The following DCDC2B variants were observed in gnomAD, a reference collection of about 807,000 sequenced individuals.
DCDC2B encodes doublecortin domain-containing protein 2B.
Under a neutral mutation model 38.9 loss-of-function variants are expected in DCDC2B, and 41 were observed. That is an observed-to-expected ratio of 1.05 (90% confidence interval 0.82 to 1.37). The LOEUF (loss-of-function observed/expected upper bound fraction) is 1.37, where lower values mean the gene tolerates loss of function less well. DCDC2B is among the 40% of genes most tolerant of loss of function. The pLI is 0.00. For missense variants in DCDC2B, 453 were observed against 427.2 expected, an observed-to-expected ratio of 1.06 and a Z score of -0.53; for synonymous variants, 181 against 171.9, an observed-to-expected ratio of 1.05 and a Z score of -0.41.
intron 6 of DCDC2B, among the ~76,000 whole-genome samples, chr1:32,214,203 T>C (rs1643702127): frequency 6.7e-6 from 1 of 150,212 alleles, no homozygotes; most frequent in African/African-American, 2.5e-5. Flanking sequence ...TCCCAGCTAC[T>C]TGGGAGGCTG....
At chr1:32,209,507 A>C in intron 1 of DCDC2B, 148 bp downstream of exon 1, 1 of 1,149,588 alleles carries the variant, frequency 8.7e-7, no homozygotes, top group Non-Finnish European at 1.2e-6. Context: ...TTAGAAAGGG[A>C]AAACAGACAG....
At chr1:32,213,612 C>T (rs1643676221) in intron 6 of DCDC2B, among the ~76,000 whole-genome samples, 1 of 150,014 alleles carries the variant, frequency 6.7e-6, no homozygotes, top group East Asian at 2.0e-4. Context: ...GGGTTCATGC[C>T]ATTCTCCTGC....
intron 1 of DCDC2B, among the ~76,000 whole-genome samples, 190 bp downstream of exon 1, chr1:32,209,549 T>TG (rs1234218085): frequency 1.3e-5 from 2 of 152,164 alleles, no homozygotes; most frequent in African/African-American, 4.8e-5. Flanking sequence ...AACAAATAGT[T>TG]GAACTGAAAT....
Position 32,209,182 on chromosome 1 carries a change from A to G in DCDC2B, c.89A>G (p.Gln30Arg), listed in dbSNP as rs779389396. ...CCAGGCTCCCAGCTGGTGGTGACTC[A>G]ACGCCGCTTCCCCACCATGGAGGCC... ...FFPGSQLVVTQRRFPTMEAFL... is the reference protein window; with the variant it reads ...FFPGSQLVVTRRRFPTMEAFL... The change falls in exon 1 of 9, where the codon CAA becomes CGA. Residue 30 changes from glutamine (Q) to arginine (R), a missense_variant. Transcript: ENST00000409358. 6.2e-6 allele frequency: 10 copies of G among 1,613,994 alleles called. No homozygotes were observed. In the East Asian group the frequency reaches 2.0e-4, roughly 32 times the overall value.
At chr1:32,215,217 C>A (rs1638276590) in intron 7 of DCDC2B, 1 of 583,786 alleles carries the variant, frequency 1.7e-6, no homozygotes, top group Non-Finnish European at 2.9e-6. Flanking sequence ...AAAGAAGCAC[C>A]TGGAAAGGGC....
Position 32,216,162 on chromosome 1 carries a change from G to A in DCDC2B, c.*265G>A, listed in dbSNP as rs1442035370. ...GGAGTAGCTGACTAAGCCTGGGAGA[G>A]GGTTTGTCACAATAAAAGAATACTT... On this transcript the variant is annotated 3_prime_UTR_variant, in exon 9 of 9. Transcript: ENST00000409358. The A allele has an allele frequency of 1.3e-6, 1 of 742,266 alleles. No individual in the cohort carries two copies. The highest frequency in any genetic ancestry group is 2.9e-5 in the Admixed American group (1 of 34,028). The allele number at this position is 742,266 out of a possible 1,614,324, so 46.0% of individuals were successfully genotyped here. A position where few individuals can be genotyped will look rare whatever the true frequency, so the allele number is the denominator to read the frequency against.
At chr1:32,214,312 CAAAAAAA>C (rs58837364) in intron 6 of DCDC2B, among the ~76,000 whole-genome samples, 163 of 51,976 alleles carry the variant, frequency 3.1e-3, no homozygotes, top group Non-Finnish European at 5.8e-3. Flanking sequence ...ACTCAAGTCT[CAAAAAAA>C]AAAAAAAAAA....
Position 32,215,916 on chromosome 1 carries a change from G to C in DCDC2B, c.*19G>C. 6.5e-7 allele frequency: 1 copy of C among 1,541,012 alleles called. No individual in the cohort carries two copies. The highest frequency in any genetic ancestry group is 1.2e-5 in the South Asian group (1 of 83,796). ...ATCTTGAGAGCCAGCAGCTCCAGAG[G>C]GCAACTGGGGACCACTACTCTGGCC... On this transcript the variant is annotated 3_prime_UTR_variant, in exon 9 of 9. Coordinates refer to ENST00000409358, the MANE Select transcript of DCDC2B (RefSeq NM_001099434.2).
At chr1:32,213,422 C>T (rs1184901885) in intron 6 of DCDC2B, among the ~76,000 whole-genome samples, 25 of 151,530 alleles carry the variant, frequency 1.6e-4, no homozygotes, top group African/African-American at 4.4e-4. Context: ...CTGCAACCTC[C>T]ACCTTCTGGG....
In DCDC2B at chr1:32,215,485, C is replaced by G. The variant is rs775191406; in HGVS notation, c.896C>G (p.Ala299Gly). 1.7e-5 allele frequency: 28 copies of G among 1,613,364 alleles called. No individual in the cohort carries two copies. Among genetic ancestry groups the G allele is most frequent in the Non-Finnish European group, 2.3e-5 (27 of 1,179,760 alleles). The part of the protein sequence containing the change: ...YGAPHRRKET[A>G]GALEVADDED... ...GCTCCCCACCGAAGGAAGGAGACAG[C>G]GGGGGCCCTGGAAGTAGCAGATGAT... Residue 299 changes from alanine (A) to glycine (G), a missense_variant, in exon 8 of 9, where the codon GCG becomes GGG. Transcript: ENST00000409358.
rs763264271 is a variant in DCDC2B at position 32,215,555 on chromosome 1, G to A, written c.954+12G>A. ...AGCCCTTGGATCAGGTAAGCTGTTGGATCAGGAAACAGTATGTTGGGGTGG... is the reference window on the plus strand; with the variant it reads ...AGCCCTTGGATCAGGTAAGCTGTTGAATCAGGAAACAGTATGTTGGGGTGG... On this transcript the variant is annotated intron_variant, in intron 8 of 8. Transcript: ENST00000409358. 1.2e-6 allele frequency: 2 copies of A among 1,611,340 alleles called. No homozygotes were observed. Among genetic ancestry groups the A allele is most frequent in the South Asian group, 2.2e-5 (2 of 90,830 alleles).
chr1:32,213,623 C>A (rs1245634998), intron 6 of DCDC2B, among the ~76,000 whole-genome samples: 1 of 151,712 alleles, frequency 6.6e-6, no homozygotes, highest in Non-Finnish European at 1.5e-5. Flanking sequence ...ATTCTCCTGC[C>A]TCAGCCTCCC....
chr1:32,211,190 G>A lies in DCDC2B; in HGVS notation c.267-82G>A, dbSNP rs188979173. ...TGGGGAGGGATATCTGGTGAGCTGC[G>A]CCCCAACCCAACACTGACATCTGCC... On this transcript the variant is annotated intron_variant, in intron 1 of 8. Transcript: ENST00000409358. The A allele has an allele frequency of 1.8e-4, 230 of 1,296,032 alleles. 1 individual carries two copies. Among genetic ancestry groups the A allele is most frequent in the Middle Eastern group, 5.5e-4 (3 of 5,488 alleles). The allele number at this position is 1,296,032 out of a possible 1,614,324, so 80.3% of individuals were successfully genotyped here. A position where few individuals can be genotyped will look rare whatever the true frequency, so the allele number is the denominator to read the frequency against.
Position 32,211,277 on chromosome 1 carries a change from T to C in DCDC2B, c.272T>C (p.Leu91Ser), listed in dbSNP as rs1222977592. The C allele has an allele frequency of 1.2e-6, 2 of 1,613,890 alleles. No homozygotes were observed. Among genetic ancestry groups the C allele is most frequent in the Non-Finnish European group, 1.7e-6 (2 of 1,179,828 alleles). Residue 91 changes from leucine to serine, a missense_variant, in exon 2 of 9, where the codon TTA (leucine) becomes TCA (serine). Coordinates refer to ENST00000409358, the MANE Select transcript of DCDC2B (RefSeq NM_001099434.2). ...TGATCTATCTGTCCTTTCAGCTATT[T>C]ACCCCATAGAGGGAAGGACCCAGGT... ...GFERFHKLHY[L>S]PHRGKDPGGK... is the part of the protein sequence containing the mutation.
intron 7 of DCDC2B, 90 bp downstream of exon 7, chr1:32,215,022 A>T: frequency 1.3e-6 from 2 of 1,504,342 alleles, no homozygotes; most frequent in Non-Finnish European, 1.8e-6. Context: ...TGTCCATGGG[A>T]GCAGAATGCT....
intron 8 of DCDC2B, 35 bp from the exon 9 acceptor site, chr1:32,215,767 C>T (rs565494106): frequency 1.7e-4 from 246 of 1,480,854 alleles, no homozygotes; most frequent in Non-Finnish European, 2.0e-4. Context: ...GCCATACTCA[C>T]GGCTCCATTC....
At chr1:32,211,558 C>A (rs1643584966) in intron 2 of DCDC2B, among the ~76,000 whole-genome samples, 2 of 152,212 alleles carry the variant, frequency 1.3e-5, no homozygotes, top group African/African-American at 4.8e-5. Context: ...AGATGTGAAA[C>A]ACAGATTGGG....
At chr1:32,210,457 A>G (rs1643538337) in intron 1 of DCDC2B, among the ~76,000 whole-genome samples, 1 of 151,362 alleles carries the variant, frequency 6.6e-6, no homozygotes, top group Non-Finnish European at 1.5e-5. Context: ...GAGATCGCAC[A>G]ACTGCACTCC....
In DCDC2B at chr1:32,214,858, C is replaced by T. The variant is rs373732799; in HGVS notation, c.776C>T (p.Pro259Leu). 3.7e-6 allele frequency: 6 copies of T among 1,613,866 alleles called. No individual in the cohort carries two copies. In the African/African-American group the frequency reaches 5.3e-5, roughly 14 times the overall value. Residue 259 changes from proline to leucine, a missense_variant, in exon 7 of 9, where the codon CCA becomes CTA. Transcript: ENST00000409358. ...CCAAAGGAACCAGACCGAATTAAGC[C>T]ATCTGCTTTCTATGCCAGACCCCAG... is the stretch of plus-strand genomic sequence containing the variant. ...PSPKEPDRIK[P>L]SAFYARPQQT...
Sources: gnomAD v4.1 joint callset for allele counts (sites outside exome capture counted in the v4.1 genomes callset) on GRCh38, gnomAD v4.1.1 for gene constraint, MANE v1.5 for transcripts, NCBI Gene and HGNC (gene_info 2026-07-23, HGNC 2026-07-21) for gene names.